Variants in SLC4A11 observed in about 807,000 individuals in gnomAD.
SLC4A11 encodes the protein bicarbonate transporter related protein 1.
Under a neutral mutation model 95.0 loss-of-function variants are expected in SLC4A11, and 74 were observed. The observed-to-expected ratio is 0.78, with a 90% CI of 0.65 to 0.95. The LOEUF (loss-of-function observed/expected upper bound fraction) is 0.95. Ranked by LOEUF, SLC4A11 falls within the 40% of genes least tolerant of loss-of-function variation. The pLI is 0.00. For synonymous variants in SLC4A11, 548 were observed against 519.0 expected, an observed-to-expected ratio of 1.06 and a Z score of -0.76; for missense variants, 1,081 against 1,192.4, an observed-to-expected ratio of 0.91 and a Z score of 1.38.
chr20:3,238,164 AAGCCAGAGCCGTT>A, intron 1 of SLC4A11: 1 of 1,442,644 alleles, frequency 6.9e-7, no homozygotes, highest in Non-Finnish European at 9.1e-7. Flanking sequence ...GGCCGCCTGG[AAGCCAGAGCCGTT>A]GGTCCAAAAG....
chr20:3,231,040 T>C lies in SLC4A11; in HGVS notation c.1061A>G (p.Lys354Arg), dbSNP rs766420892. 2 of 1,613,790 alleles carry C rather than the reference T, an allele frequency of 1.2e-6. No homozygotes were observed. The highest frequency in any genetic ancestry group is 2.7e-5 in the African/African-American group (2 of 74,778). ...DFTDGIIGKNKAVGKYITTTL... is the reference protein window; with the variant it reads ...DFTDGIIGKNRAVGKYITTTL... ...GGTGGTGATGTATTTGCCCACAGCCTTGTTTTTCCCAATAATGCCTAGGAA... is the reference window on the plus strand; with the variant it reads ...GGTGGTGATGTATTTGCCCACAGCCCTGTTTTTCCCAATAATGCCTAGGAA... The change falls in exon 10 of 20, where the codon AAG becomes AGG. Residue 354 changes from lysine to arginine, a missense_variant. Lys to Arg is a conservative substitution (Grantham distance 26). Around this residue, in one of 3 missense-constraint regions of SLC4A11, gnomAD observed 767 missense variants for 858.0 expected, o/e 0.89. Transcript: ENST00000642402. This position sits in a 1 kb window ranked among gnomAD's most constrained non-coding sequence, Gnocchi z 5.2.
chr20:3,228,116 C>T (rs981469677), intron 19 of SLC4A11, 143 bp downstream of exon 19: 2 of 1,014,748 alleles, frequency 2.0e-6, no homozygotes, highest in African/African-American at 1.7e-5. Flanking sequence ...CACCCCTAGG[C>T]AGGACCCCTC....
intron 7 of SLC4A11, 100 bp downstream of exon 7, chr20:3,233,414 C>A (rs2067847180): frequency 1.9e-6 from 3 of 1,569,128 alleles, no homozygotes; most frequent in Non-Finnish European, 2.6e-6. Context: ...GGGTGAGGAC[C>A]AGGCCTTCAG....
rs757222947 is a variant in SLC4A11, at chr20:3,234,537, C to T, written c.291+31G>A. ...ATCACCTCAGCCCCCAGGTAGAGGC[C>T]CCAGGACCACCTGCAGGACAGGCCA... On this transcript the variant is annotated intron_variant, in intron 4 of 19. Transcript: ENST00000642402. This position sits in a 1 kb window ranked among gnomAD's most constrained non-coding sequence, Gnocchi z 5.8. 13 of 1,613,454 alleles carry T rather than the reference C, an allele frequency of 8.1e-6. No individual in the cohort carries two copies. In the African/African-American group the frequency reaches 1.6e-4, roughly 20 times the overall value.
At position 3,234,411 on chromosome 20, in the gene SLC4A11, C is replaced by T; in HGVS notation, c.292-97G>A. 6.8e-7 allele frequency: 1 copy of T among 1,473,634 alleles called. No individual in the cohort carries two copies. The highest frequency in any genetic ancestry group is 9.4e-7 in the Non-Finnish European group (1 of 1,064,370). 91.3% of individuals were successfully genotyped at this position (1,473,634 alleles called of 1,614,324 possible). On this transcript the variant is annotated intron_variant, in intron 4 of 19. Coordinates refer to ENST00000642402, the MANE Select transcript of SLC4A11 (RefSeq NM_001174089.2). The surrounding 1 kb of genome is among the most constrained non-coding windows in gnomAD (Gnocchi z 5.8). ...CCAGCCAGCCGCAGCAGTCCAGCCCCCAGCCCCCAGCCCCCAGCCCTGGGC... is the reference window on the plus strand; with the variant it reads ...CCAGCCAGCCGCAGCAGTCCAGCCCTCAGCCCCCAGCCCCCAGCCCTGGGC...
In SLC4A11 at chr20:3,233,572, C is replaced by G. The variant is rs746532062; in HGVS notation, c.671G>C (p.Trp224Ser). 1 of 1,613,676 alleles carries G rather than the reference C, an allele frequency of 6.2e-7. No homozygotes were observed. Among genetic ancestry groups the G allele is most frequent in the Non-Finnish European group, 8.5e-7 (1 of 1,180,008 alleles). Residue 224 changes from tryptophan (W) to serine (S), a missense_variant, in exon 7 of 20, where the codon TGG (tryptophan) becomes TCG (serine). By Grantham distance (177) the Trp-to-Ser change is radical (BLOSUM62 -3). Coordinates refer to ENST00000642402, the MANE Select transcript of SLC4A11 (RefSeq NM_001174089.2). ...CCGAACCTCACAGGAATTCTCCCCC[C>G]AGTTCTGTGGGCGAACCAGGCGGCT... is the stretch of plus-strand genomic sequence containing the variant. Reference protein sequence around the residue: ...CISRLVRPQNWGENSCEVRFV... With the variant: ...CISRLVRPQNSGENSCEVRFV...
Position 3,228,685 on chromosome 20 carries a change from G to T in SLC4A11, c.2215C>A (p.Arg739=), listed in dbSNP as rs757553189. ...ACGCTGGCGCCCAGCGAGGTCAGCCGCGTCTCCTTCACGTTCACAATCCTG... is the reference window on the plus strand; with the variant it reads ...ACGCTGGCGCCCAGCGAGGTCAGCCTCGTCTCCTTCACGTTCACAATCCTG... The part of the protein sequence containing the change: ...YDTIVNVKET[R]LTSLGASVLV... The change falls in exon 18 of 20, where the codon CGG becomes AGG. Residue 739 remains arginine, a synonymous_variant. Coordinates refer to ENST00000642402, the MANE Select transcript of SLC4A11 (RefSeq NM_001174089.2). 1.9e-6 allele frequency: 3 copies of T among 1,612,800 alleles called. No homozygotes were observed. Among genetic ancestry groups the T allele is most frequent in the East Asian group, 2.2e-5 (1 of 44,888 alleles).
chr20:3,234,602 G>C lies in SLC4A11; in HGVS notation c.257C>G (p.Ser86Cys). The change falls in exon 4 of 20, where the codon TCC (serine) becomes TGC (cysteine). Residue 86 changes from serine to cysteine, a missense_variant. Ser to Cys is a moderately radical substitution (Grantham distance 112). This residue lies in a region of SLC4A11 where 310 missense variants were observed against 313.5 expected (regional missense o/e 0.99). Coordinates refer to ENST00000642402, the MANE Select transcript of SLC4A11 (RefSeq NM_001174089.2). This position sits in a 1 kb window ranked among gnomAD's most constrained non-coding sequence, Gnocchi z 5.8. Reference protein sequence around the residue: ...QATNTENEATSGGCVLLHTSR... With the variant: ...QATNTENEATCGGCVLLHTSR... ...GGTGTGCAGGAGCACACAGCCACCGGAAGTCGCTTCATTCTCTGCCGGAGA... is the reference window on the plus strand; with the variant it reads ...GGTGTGCAGGAGCACACAGCCACCGCAAGTCGCTTCATTCTCTGCCGGAGA... The C allele has an allele frequency of 6.2e-7, 1 of 1,613,922 alleles. No homozygotes were observed.
At position 3,229,253 on chromosome 20, in the gene SLC4A11, G is replaced by C; in HGVS notation, c.1860C>G (p.Phe620Leu). 2 of 1,613,028 alleles carry C rather than the reference G, an allele frequency of 1.2e-6. No individual in the cohort carries two copies. The highest frequency in any genetic ancestry group is 1.7e-6 in the Non-Finnish European group (2 of 1,179,988). ...HGFREIEMSK[F>L]RYNPSESPFA... ...AGGGGCTCTCGCTGGGGTTGTAGCG[G>C]AACTTGCTCACTGCAGTAGGGGACA... is the stretch of plus-strand genomic sequence containing the variant. The change falls in exon 16 of 20, where the codon TTC becomes TTG. Residue 620 changes from phenylalanine (F) to leucine (L), a missense_variant. Physicochemically the swap from Phe to Leu is conservative, Grantham distance 22 (BLOSUM62 0). Transcript: ENST00000642402.
At chr20:3,232,779 T>C (rs928856886) in intron 7 of SLC4A11, among the ~76,000 whole-genome samples, 4 of 152,310 alleles carry the variant, frequency 2.6e-5, no homozygotes, top group African/African-American at 7.2e-5. Context: ...TCCATGCTCC[T>C]GAGGAGGAGC....
chr20:3,238,040 G>A (rs1190171849), intron 1 of SLC4A11: 20 of 1,498,380 alleles, frequency 1.3e-5, no homozygotes, highest in Non-Finnish European at 1.6e-5. Flanking sequence ...CTCTCAGACC[G>A]GTCCTGGGGG....
upstream of SLC4A11, chr20:3,239,206 C>T: frequency 7.5e-7 from 1 of 1,340,870 alleles, no homozygotes; most frequent in Non-Finnish European, 9.5e-7. Flanking sequence ...CCAAACTCGG[C>T]GACTCGGGCG....
rs1244613727 is a variant in SLC4A11, at chr20:3,229,085, C to T, written c.2018+10G>A. The T allele has an allele frequency of 5.0e-6, 8 of 1,584,734 alleles. No individual in the cohort carries two copies. Among genetic ancestry groups the T allele is most frequent in the Non-Finnish European group, 6.8e-6 (8 of 1,168,350 alleles). ...GCCCCGCCCACCCCACCCTCACCCA[C>T]CCTCCACACCTGTTCTCCGGTGCAT... On this transcript the variant is annotated intron_variant, in intron 16 of 19. Transcript: ENST00000642402.
chr20:3,228,101 C>G (rs1470370138), intron 19 of SLC4A11, among the ~76,000 whole-genome samples, 158 bp downstream of exon 19: 1 of 138,860 alleles, frequency 7.2e-6, no homozygotes, highest in Non-Finnish European at 1.6e-5. Flanking sequence ...AGCCCGCCCA[C>G]TCTCCACCCC....
chr20:3,230,428 G>C, intron 12 of SLC4A11, 87 bp downstream of exon 12: 1 of 1,604,088 alleles, frequency 6.2e-7, no homozygotes. Context: ...AATATGGTGG[G>C]GGCACCCCCA....
chr20:3,236,860 C>T lies in SLC4A11; in HGVS notation c.88+684G>A, dbSNP rs534488301. Among the ~76,000 whole-genome samples the T allele has an allele frequency of 2.0e-5, 3 of 152,254 alleles. No homozygotes were observed. In the South Asian group the frequency reaches 6.2e-4, roughly 32 times the overall value. On this transcript the variant is annotated intron_variant, in intron 2 of 19. Transcript: ENST00000642402. ...TGCTCAGGTCCCCTAGATTAAGGAC[C>T]TGCCCAGCTGACACTACCAGGTTCC...
intron 7 of SLC4A11, 61 bp downstream of exon 7, chr20:3,233,453 A>G: frequency 6.2e-7 from 1 of 1,607,620 alleles, no homozygotes; most frequent in Admixed American, 1.7e-5. Flanking sequence ...GGGGACCCCA[A>G]GCAGAGGGCG....
chr20:3,233,844 C>T (rs2067866524), intron 6 of SLC4A11, 77 bp downstream of exon 6: 1 of 1,570,850 alleles, frequency 6.4e-7, no homozygotes. Context: ...GTGGGCTGGC[C>T]TCTGCAGGGC....
Position 3,231,081 on chromosome 20 carries a change from A to T in SLC4A11, c.1043-23T>A. ...TGCCTAGGAATGGGGGATGGGAGAGAGGGTTTGCTGGGGATGCAGGACAGG... is the reference window on the plus strand; with the variant it reads ...TGCCTAGGAATGGGGGATGGGAGAGTGGGTTTGCTGGGGATGCAGGACAGG... On this transcript the variant is annotated intron_variant, in intron 9 of 19. Coordinates refer to ENST00000642402, the MANE Select transcript of SLC4A11 (RefSeq NM_001174089.2). This position sits in a 1 kb window ranked among gnomAD's most constrained non-coding sequence, Gnocchi z 5.2. 2 of 1,611,394 alleles carry T rather than the reference A, an allele frequency of 1.2e-6. No individual in the cohort carries two copies. The highest frequency in any genetic ancestry group is 1.7e-6 in the Non-Finnish European group (2 of 1,179,926).
Sources: gnomAD v4.1 joint callset for allele counts (sites outside exome capture counted in the v4.1 genomes callset) on GRCh38, gnomAD v4.1.1 for gene constraint, gnomAD v4.1.1 regional missense constraint, Gnocchi (gnomAD v3.1) non-coding constraint, MANE v1.5 for transcripts, NCBI Gene and HGNC (gene_info 2026-07-23, HGNC 2026-07-21) for gene names.